The following BEND2 variants were observed in gnomAD, a reference collection of about 807,000 sequenced individuals.
BEND2 encodes BEN domain containing 2, also known as BEN domain-containing protein 2.
Under a neutral mutation model 43.8 loss-of-function variants are expected in BEND2, and 19 were observed. The observed-to-expected ratio is 0.43, with a 90% CI of 0.30 to 0.64. BEND2 has a LOEUF of 0.64. Ranked by LOEUF, BEND2 falls within the 30% of genes least tolerant of loss-of-function variation. BEND2 has a pLI of 0.11. For synonymous variants in BEND2, 226 were observed against 210.1 expected (o/e 1.08, Z -0.66); for missense variants, 544 against 574.0 (o/e 0.95, Z 0.53).
intron 8 of BEND2, among the ~76,000 whole-genome samples, chrX:18,189,985 G>A (rs1924702841): frequency 1.8e-5 from 2 of 109,334 alleles, no homozygotes; most frequent in African/African-American, 6.7e-5. Context: ...AGGAGACAGA[G>A]GTTGCAGTGA....
At chrX:18,191,482 T>TA (rs2066663488) in intron 7 of BEND2, among the ~76,000 whole-genome samples, 1 of 111,868 alleles carries the variant, frequency 8.9e-6, no homozygotes, top group African/African-American at 3.2e-5. Context: ...AAACTAAACA[T>TA]ACCATTACCA....
At chrX:18,202,435 T>G (rs778469411) in intron 5 of BEND2, among the ~76,000 whole-genome samples, 42 of 111,998 alleles carry the variant, frequency 3.8e-4, no homozygotes, top group African/African-American at 1.3e-3. Flanking sequence ...TTAAGATGAT[T>G]AAGCTATGAG....
chrX:18,170,189 A>C (rs996458387), intron 13 of BEND2, among the ~76,000 whole-genome samples: 1 of 112,182 alleles, frequency 8.9e-6, no homozygotes, highest in Non-Finnish European at 1.9e-5. Context: ...AAAACACTGG[A>C]ATGTAACACT....
chrX:18,167,934 G>T (rs959428732), intron 13 of BEND2, among the ~76,000 whole-genome samples: 4 of 112,498 alleles, frequency 3.6e-5, no homozygotes, highest in Non-Finnish European at 5.6e-5. Context: ...TTGTACTATT[G>T]TATCCTGGGT....
chrX:18,210,989 T>C (rs944711184), intron 4 of BEND2, among the ~76,000 whole-genome samples: 5 of 111,896 alleles, frequency 4.5e-5, no homozygotes, highest in African/African-American at 1.6e-4. Context: ...ATAATAGATA[T>C]TAATAATTGT....
At chrX:18,201,427 A>AAAAAAAAAAAAAAAAAAAAAAAAAAC (rs1925156313) in intron 6 of BEND2, among the ~76,000 whole-genome samples, 1 of 86,430 alleles carries the variant, frequency 1.2e-5, no homozygotes, top group Non-Finnish European at 2.3e-5. Context: ...ACAAAAAAAA[A>AAAAAAAAAAAAAAAAAAAAAAAAAAC]AAAACTGGTG....
rs746455952 is a variant in BEND2 at position 18,195,314 on chromosome X, G to T, written c.1162C>A (p.Pro388Thr). 2.7e-5 allele frequency: 32 copies of T among 1,203,361 alleles called. No homozygotes were observed. Among genetic ancestry groups the T allele is most frequent in the Non-Finnish European group, 3.4e-5 (30 of 892,705 alleles). The change falls in exon 7 of 14, where the codon CCC becomes ACC. Residue 388 changes from proline (P) to threonine (T), a missense_variant. Physicochemically the swap from Pro to Thr is conservative, Grantham distance 38. Coordinates refer to ENST00000380033, the MANE Select transcript of BEND2 (RefSeq NM_153346.5). ...AACTCACCAAAATTAGAAGTGATGG[G>T]AAGATATGAAGAGGCTGGATATGGG... is the stretch of plus-strand genomic sequence containing the variant. ...SAPYPASSYL[P>T]ITSNFESGPQ...
chrX:18,184,687 GA>G (rs1330071667), intron 8 of BEND2, among the ~76,000 whole-genome samples: 1 of 111,615 alleles, frequency 9.0e-6, no homozygotes, highest in East Asian at 2.8e-4. Flanking sequence ...GCCTTTCCAA[GA>G]AGGATGGCAC....
Position 18,195,414 on chromosome X carries a change from T to C in BEND2, c.1062A>G (p.Pro354=), listed in dbSNP as rs1924907458. The part of the protein sequence containing the change: ...FAEKIILTEM[P]GTTETNVENN... Reference sequence around the variant, plus strand: ...TTTCCACGTTGGTTTCTGTTGTTCCTGGCATTTCAGTAAGTATAATTTTCT... The same window carrying C: ...TTTCCACGTTGGTTTCTGTTGTTCCCGGCATTTCAGTAAGTATAATTTTCT... The change falls in exon 7 of 14, where the codon CCA becomes CCG. Residue 354 remains proline (P), a synonymous_variant. Transcript: ENST00000380033. The C allele has an allele frequency of 1.7e-6, 2 of 1,205,322 alleles. No individual in the cohort carries two copies. Among genetic ancestry groups the C allele is most frequent in the Non-Finnish European group, 2.2e-6 (2 of 892,762 alleles).
chrX:18,212,408 A>G (rs1925539200), intron 4 of BEND2, among the ~76,000 whole-genome samples, 157 bp downstream of exon 4: 1 of 111,742 alleles, frequency 8.9e-6, no homozygotes, highest in African/African-American at 3.3e-5. Flanking sequence ...CAAAATGTTC[A>G]TTATCTTCAT....
chrX:18,165,039 T>A lies in BEND2; in HGVS notation c.2370A>T (p.Gly790=). Residue 790 remains glycine (G), a synonymous_variant, in exon 14 of 14, where the codon GGA becomes GGT. Transcript: ENST00000380033. ...TGCTTGGGTCAGTGGCGTCGGGATCTCCTGGCTTTGACTCCTGCTCCAGCT... is the reference window on the plus strand; with the variant it reads ...TGCTTGGGTCAGTGGCGTCGGGATCACCTGGCTTTGACTCCTGCTCCAGCT... ...PPELEQESKP[G]DPDATDPST The A allele has an allele frequency of 2.5e-6, 3 of 1,209,493 alleles. No homozygotes were observed. Among genetic ancestry groups the A allele is most frequent in the Non-Finnish European group, 3.4e-6 (3 of 895,298 alleles).
intron 8 of BEND2, among the ~76,000 whole-genome samples, chrX:18,181,524 C>T (rs187757170): frequency 4.9e-4 from 55 of 111,689 alleles, no homozygotes; most frequent in African/African-American, 1.6e-3. Context: ...AAAGGCGATA[C>T]AAAACCATCA....
chrX:18,166,203 C>G (rs986161351), intron 13 of BEND2, among the ~76,000 whole-genome samples: 3 of 111,947 alleles, frequency 2.7e-5, no homozygotes, highest in Non-Finnish European at 5.6e-5. Flanking sequence ...CTACTCACAA[C>G]AGCAAAGCTG....
intron 4 of BEND2, 49 bp downstream of exon 4, chrX:18,212,516 A>G: frequency 1.1e-6 from 1 of 913,981 alleles, no homozygotes; most frequent in Non-Finnish European, 1.6e-6. Flanking sequence ...AGCAGAATGA[A>G]AAGAACAAAG....
At chrX:18,188,621 C>G (rs897905049) in intron 8 of BEND2, among the ~76,000 whole-genome samples, 10 of 111,582 alleles carry the variant, frequency 9.0e-5, no homozygotes, top group African/African-American at 2.9e-4. Context: ...AGTAATGAGA[C>G]TGAAGCCATA....
intron 9 of BEND2, among the ~76,000 whole-genome samples, chrX:18,178,326 T>C (rs1357111347): frequency 9.0e-6 from 1 of 111,427 alleles, no homozygotes; most frequent in Non-Finnish European, 1.9e-5. Flanking sequence ...AACTCTATCA[T>C]TACTCCCACC....
At chrX:18,167,669 T>G (rs1290799970) in intron 13 of BEND2, among the ~76,000 whole-genome samples, 6 of 111,670 alleles carry the variant, frequency 5.4e-5, no homozygotes, top group African/African-American at 2.0e-4. Context: ...GCTCAAGTGA[T>G]CCTCCTGCCT....
Position 18,171,197 on chromosome X carries a change from A to G in BEND2, c.1989T>C (p.Phe663=). 1 of 1,202,585 alleles carries G rather than the reference A, an allele frequency of 8.3e-7. No homozygotes were observed. Among genetic ancestry groups the G allele is most frequent in the Middle Eastern group, 2.3e-4 (1 of 4,323 alleles). ...PEEPGEAWSY[F]GRPWRNIRMP... ...TCCGTATATTTCTCCATGGTCTTCCAAAATAGCCTAGAAGCAAAAAAGAAA... is the reference window on the plus strand; with the variant it reads ...TCCGTATATTTCTCCATGGTCTTCCGAAATAGCCTAGAAGCAAAAAAGAAA... The change falls in exon 13 of 14, where the codon TTT becomes TTC. Residue 663 remains phenylalanine (F), a synonymous_variant. Coordinates refer to ENST00000380033, the MANE Select transcript of BEND2 (RefSeq NM_153346.5).
At chrX:18,175,227 T>C (rs1924106695) in intron 11 of BEND2, among the ~76,000 whole-genome samples, 1 of 111,742 alleles carries the variant, frequency 8.9e-6, no homozygotes. Context: ...CAGGGAAACA[T>C]ACGCTCAGCT....
Sources: gnomAD v4.1 joint callset for allele counts (sites outside exome capture counted in the v4.1 genomes callset) on GRCh38, gnomAD v4.1.1 for gene constraint, MANE v1.5 for transcripts, NCBI Gene and HGNC (gene_info 2026-07-23, HGNC 2026-07-21) for gene names.